TTC29: variants seen among roughly 807,000 people sequenced by gnomAD.
TTC29 encodes the protein tetratricopeptide repeat protein 29.
In TTC29, 49 loss-of-function variants were observed where a neutral mutation model predicts 58.1. That is an observed-to-expected ratio of 0.84 (90% CI 0.67 to 1.07). The LOEUF (loss-of-function observed/expected upper bound fraction) is 1.07, where lower values mean the gene tolerates loss of function less well. Ranked by LOEUF, TTC29 falls within the 50% of genes least tolerant of loss-of-function variation. TTC29 has a pLI of 0.00. For synonymous variants in TTC29, 209 were observed against 196.8 expected (o/e 1.06, Z -0.52); for missense variants, 582 against 555.6 (o/e 1.05, Z -0.48).
chr4:146,930,612 T>C (rs1735267611), intron 4 of TTC29, among the ~76,000 whole-genome samples: 1 of 152,210 alleles, frequency 6.6e-6, no homozygotes, highest in African/African-American at 2.4e-5. Flanking sequence ...GTAACCTCAG[T>C]AATTTTAAGG....
intron 11 of TTC29, among the ~76,000 whole-genome samples, chr4:146,770,175 G>A (rs1747625335): frequency 6.6e-6 from 1 of 151,750 alleles, no homozygotes; most frequent in Admixed American, 6.6e-5. Context: ...CCAAATCCCT[G>A]GTGTGAGGTC....
At chr4:146,935,706 T>C (rs1735755266) in intron 4 of TTC29, among the ~76,000 whole-genome samples, 2 of 152,206 alleles carry the variant, frequency 1.3e-5, no homozygotes, top group South Asian at 4.1e-4. Context: ...GGCTCCAGGA[T>C]GGGGCCAAGT....
chr4:146,789,730 T>G (rs536954424), intron 11 of TTC29, among the ~76,000 whole-genome samples: 1 of 152,274 alleles, frequency 6.6e-6, no homozygotes, highest in African/African-American at 2.4e-5. Flanking sequence ...TTTGTCAAAC[T>G]CTTTATTCAA....
chr4:146,865,400 G>A (rs1730498531), intron 8 of TTC29, among the ~76,000 whole-genome samples: 1 of 152,130 alleles, frequency 6.6e-6, no homozygotes, highest in Non-Finnish European at 1.5e-5. Flanking sequence ...GACCCCTTAA[G>A]ATAAGGCTTG....
chr4:146,917,617 A>T (rs114660132), intron 4 of TTC29, among the ~76,000 whole-genome samples: 1 of 143,148 alleles, frequency 7.0e-6, no homozygotes, highest in East Asian at 2.1e-4. Flanking sequence ...TTTATAATAT[A>T]TAATTAGATA....
At chr4:146,902,327 C>CA (rs984520347) in intron 6 of TTC29, among the ~76,000 whole-genome samples, 13 of 151,844 alleles carry the variant, frequency 8.6e-5, no homozygotes, top group African/African-American at 2.9e-4. Context: ...GGGAGGATCA[C>CA]AAAAAAATAA....
At chr4:146,876,787 G>A (rs1731287667) in intron 6 of TTC29, among the ~76,000 whole-genome samples, 1 of 151,672 alleles carries the variant, frequency 6.6e-6, no homozygotes, top group Admixed American at 6.6e-5. Flanking sequence ...ATACAAAAAA[G>A]TAGCCAGCCA....
intron 11 of TTC29, among the ~76,000 whole-genome samples, chr4:146,723,571 A>C (rs930517847): frequency 6.6e-6 from 1 of 152,226 alleles, no homozygotes; most frequent in African/African-American, 2.4e-5. Context: ...TGGGCAAATG[A>C]CATGAACAGA....
chr4:146,707,572 G>A (rs530229564), intron 11 of TTC29, 21 bp from the exon 12 acceptor site: 18 of 1,522,780 alleles, frequency 1.2e-5, no homozygotes, highest in Non-Finnish European at 1.4e-5. Flanking sequence ...AATACACAAA[G>A]TTAATAGATT....
Position 146,726,888 on chromosome 4 carries a change from A to G in TTC29, c.1331-19337T>C, listed in dbSNP as rs148014243. Among the ~76,000 whole-genome samples the G allele has an allele frequency of 4.2e-3, 634 of 152,184 alleles. 5 individuals carry two copies. Among genetic ancestry groups the G allele is most frequent in the Admixed American group, 0.035 (533 of 15,272 alleles). On this transcript the variant is annotated intron_variant, in intron 11 of 12. Transcript: ENST00000325106. The stretch of plus-strand genomic sequence containing the variant: ...TGTGGATCACATTCCTTACTTTAAA[A>G]ATTAAAAAATTTTTGCATAGATGAT...
chr4:146,921,206 A>G (rs575021736), intron 4 of TTC29, among the ~76,000 whole-genome samples: 134 of 151,500 alleles, frequency 8.8e-4, no homozygotes, highest in African/African-American at 3.2e-3. Context: ...GCTAGAAAAC[A>G]TCTGTGTATA....
At chr4:146,713,111 CGT>C (rs10678715) in intron 11 of TTC29, among the ~76,000 whole-genome samples, 121 of 139,642 alleles carry the variant, frequency 8.7e-4, no homozygotes, top group African/African-American at 2.8e-3. Context: ...GAGAATTGAT[CGT>C]GTGTGTGTGT....
At chr4:146,715,052 G>T (rs1742828168) in intron 11 of TTC29, among the ~76,000 whole-genome samples, 1 of 151,664 alleles carries the variant, frequency 6.6e-6, no homozygotes, top group Non-Finnish European at 1.5e-5. Context: ...TGCCTACTCT[G>T]CTCTTGAACT....
intron 8 of TTC29, among the ~76,000 whole-genome samples, chr4:146,863,912 C>T (rs889287047): frequency 2.0e-5 from 3 of 152,048 alleles, no homozygotes; most frequent in African/African-American, 7.2e-5. Flanking sequence ...TAAATGATGC[C>T]CATCCACATA....
At chr4:146,751,813 A>T (rs76694032) in intron 11 of TTC29, among the ~76,000 whole-genome samples, 1 of 152,330 alleles carries the variant, frequency 6.6e-6, no homozygotes, top group East Asian at 1.9e-4. Flanking sequence ...AGAACTAAAC[A>T]GAAGGAAGGA....
chr4:146,858,917 A>C (rs1730050422), intron 8 of TTC29, among the ~76,000 whole-genome samples: 1 of 152,216 alleles, frequency 6.6e-6, no homozygotes, highest in Non-Finnish European at 1.5e-5. Context: ...CAAAGAGTTG[A>C]TAAATGTACT....
chr4:146,708,308 T>TTATATATATATATATATATATACATGTA (rs1742142891), intron 11 of TTC29, among the ~76,000 whole-genome samples: 1 of 62,220 alleles, frequency 1.6e-5, no homozygotes, highest in African/African-American at 9.3e-5. Flanking sequence ...TATGGGAAGT[T>TTATATATATATATATATATATACATGTA]TATATATATA....
chr4:146,928,913 A>C (rs1560728477), intron 4 of TTC29, among the ~76,000 whole-genome samples: 1 of 152,174 alleles, frequency 6.6e-6, no homozygotes, highest in Non-Finnish European at 1.5e-5. Context: ...CTTAGAAGAA[A>C]ATTTAGGCTT....
At chr4:146,858,575 C>A (rs1730021890) in intron 8 of TTC29, among the ~76,000 whole-genome samples, 1 of 152,252 alleles carries the variant, frequency 6.6e-6, no homozygotes, top group Admixed American at 6.5e-5. Context: ...AGAGCAGAAG[C>A]CCGACATTGT....
Sources: gnomAD v4.1 joint callset for allele counts (sites outside exome capture counted in the v4.1 genomes callset) on GRCh38, gnomAD v4.1.1 for gene constraint, MANE v1.5 for transcripts, NCBI Gene and HGNC (gene_info 2026-07-23, HGNC 2026-07-21) for gene names.